Variants in KSR1 observed in about 807,000 individuals in gnomAD.
KSR1 encodes kinase suppressor of ras.
Under a neutral mutation model 92.9 loss-of-function variants are expected in KSR1, and 35 were observed. The observed-to-expected ratio is 0.38, with a 90% CI of 0.29 to 0.50. KSR1 has a LOEUF of 0.50. Among genes scored for constraint, KSR1 ranks in the 20% least tolerant of loss-of-function variants. The pLI is 0.94. For missense variants in KSR1, 972 were observed against 1,158.5 expected (o/e 0.84, Z 2.34); for synonymous variants, 467 against 472.6 (o/e 0.99, Z 0.15).
intron 17 of KSR1, 103 bp from the exon 18 acceptor site, chr17:27,611,391 G>T: frequency 6.8e-7 from 1 of 1,478,226 alleles, no homozygotes; most frequent in Non-Finnish European, 9.2e-7. Context: ...AGGAAGGCTG[G>T]AGAAGGGTCC....
At chr17:27,621,838 T>A (rs953563595) in intron 20 of KSR1, 9 of 1,303,064 alleles carry the variant, frequency 6.9e-6, no homozygotes, top group Non-Finnish European at 8.9e-6. Flanking sequence ...CCTGCCCAGC[T>A]GCTCTGGCCA....
intron 1 of KSR1, among the ~76,000 whole-genome samples, chr17:27,530,276 C>G (rs1395058559): frequency 3.3e-5 from 5 of 152,060 alleles, no homozygotes; most frequent in African/African-American, 1.2e-4. Context: ...GAAACCCTGT[C>G]TGTACAAAAA....
intron 1 of KSR1, among the ~76,000 whole-genome samples, chr17:27,468,389 C>G (rs1225732955): frequency 6.6e-6 from 1 of 152,114 alleles, no homozygotes; most frequent in Non-Finnish European, 1.5e-5. Flanking sequence ...GCACACACCA[C>G]CATGCCTGGC....
At chr17:27,549,776 T>C (rs1291967444) in intron 1 of KSR1, among the ~76,000 whole-genome samples, 1 of 152,206 alleles carries the variant, frequency 6.6e-6, no homozygotes, top group African/African-American at 2.4e-5. Context: ...CGTCATTTCT[T>C]CCGTCTCTCT....
At chr17:27,507,676 A>T (rs1342162574) in intron 1 of KSR1, among the ~76,000 whole-genome samples, 2 of 138,612 alleles carry the variant, frequency 1.4e-5, no homozygotes, top group Non-Finnish European at 3.0e-5. Flanking sequence ...TCCCGGGTTC[A>T]AGTGATTCTT....
chr17:27,529,144 G>T (rs2070435533), intron 1 of KSR1, among the ~76,000 whole-genome samples: 1 of 152,018 alleles, frequency 6.6e-6, no homozygotes, highest in South Asian at 2.1e-4. Flanking sequence ...GTTGAAAAAA[G>T]AAAATTAATG....
intron 1 of KSR1, among the ~76,000 whole-genome samples, chr17:27,479,587 A>G (rs1313714037): frequency 6.6e-6 from 1 of 152,146 alleles, no homozygotes; most frequent in African/African-American, 2.4e-5. Context: ...TTCTTTGCTC[A>G]GTTGAGACCC....
At chr17:27,515,254 G>A (rs745372531) in intron 1 of KSR1, among the ~76,000 whole-genome samples, 4 of 152,198 alleles carry the variant, frequency 2.6e-5, no homozygotes, top group Non-Finnish European at 2.9e-5. Context: ...CAGACCACGT[G>A]TATGACAGTA....
chr17:27,593,452 G>A (rs747536342), intron 9 of KSR1, among the ~76,000 whole-genome samples: 4 of 152,266 alleles, frequency 2.6e-5, no homozygotes, highest in Non-Finnish European at 5.9e-5. Flanking sequence ...CCCCCGATGA[G>A]CATGTGCCCA....
chr17:27,583,495 C>T (rs1020463694), intron 4 of KSR1, among the ~76,000 whole-genome samples: 6 of 152,252 alleles, frequency 3.9e-5, no homozygotes, highest in Non-Finnish European at 8.8e-5. Flanking sequence ...TTGCTGGCCA[C>T]GGTGGCAGAG....
In KSR1 at chr17:27,582,690, C is replaced by T. The variant is rs759278857; in HGVS notation, c.565C>T (p.Arg189Trp). ...CTCCAGTTGGAGTTCATTGGATGCGCGGCGGGAAAGTGGCTCAGGGCCTTC... is the reference window on the plus strand; with the variant it reads ...CTCCAGTTGGAGTTCATTGGATGCGTGGCGGGAAAGTGGCTCAGGGCCTTC... ...EDSSWSSLDA[R>W]RESGSGPSTD... Residue 189 changes from arginine (R) to tryptophan (W), a missense_variant, in exon 4 of 21, where the codon CGG (arginine) becomes TGG (tryptophan). Physicochemically the swap from Arg to Trp is moderately radical, Grantham distance 101. Around this residue, in one of 5 missense-constraint regions of KSR1, gnomAD observed 611 missense variants for 668.0 expected, o/e 0.91. Transcript: ENST00000644974. 1.4e-5 allele frequency: 23 copies of T among 1,613,194 alleles called. No homozygotes were observed. In the East Asian group the frequency reaches 1.8e-4, roughly 13 times the overall value.
chr17:27,461,986 G>C (rs564346618), intron 1 of KSR1, among the ~76,000 whole-genome samples: 6 of 139,848 alleles, frequency 4.3e-5, no homozygotes, highest in Non-Finnish European at 9.6e-5. Context: ...TTTTTAAAAG[G>C]CCATCCTTTC....
rs538860162 is a variant in KSR1, at chr17:27,595,901, C to T, written c.1300-1367C>T. Among the ~76,000 whole-genome samples the T allele has an allele frequency of 3.9e-5, 6 of 152,232 alleles. No homozygotes were observed. In the East Asian group the frequency reaches 1.2e-3, roughly 30 times the overall value. On this transcript the variant is annotated intron_variant, in intron 9 of 20. Coordinates refer to ENST00000644974, the MANE Select transcript of KSR1 (RefSeq NM_001394583.1). The stretch of plus-strand genomic sequence containing the variant: ...TCATGCCAGGCCCATCTCCCATGAC[C>T]GTGGGCAAAGCCCTTGGCTTCCCTG...
intron 2 of KSR1, among the ~76,000 whole-genome samples, chr17:27,572,051 C>T (rs1782370817): frequency 6.6e-6 from 1 of 152,246 alleles, no homozygotes; most frequent in South Asian, 2.1e-4. Flanking sequence ...GTTGCCCAAA[C>T]CCATCCTCAC....
At chr17:27,556,011 G>A (rs2945393) in intron 2 of KSR1, among the ~76,000 whole-genome samples, 84,002 of 151,950 alleles carry the variant, frequency 0.55, 23,584 homozygotes, top group Admixed American at 0.66. Context: ...CAGGCCAGAC[G>A]TTTGGTTCAG....
At chr17:27,520,078 T>A (rs1316742423) in intron 1 of KSR1, among the ~76,000 whole-genome samples, 1 of 152,220 alleles carries the variant, frequency 6.6e-6, no homozygotes, top group African/African-American at 2.4e-5. Flanking sequence ...TTGCACCCTT[T>A]ATACCGAATG....
intron 1 of KSR1, among the ~76,000 whole-genome samples, chr17:27,510,405 C>T (rs1231918249): frequency 2.6e-5 from 4 of 152,094 alleles, no homozygotes; most frequent in Non-Finnish European, 2.9e-5. Context: ...TTATAAGGAC[C>T]GAGTGAGTAG....
chr17:27,599,797 T>C (rs1567873669), intron 10 of KSR1, among the ~76,000 whole-genome samples: 4 of 152,202 alleles, frequency 2.6e-5, no homozygotes, highest in Non-Finnish European at 5.9e-5. Context: ...AAAACAAACA[T>C]ATTGTATAGC....
At chr17:27,476,603 G>T (rs2150933448) in intron 1 of KSR1, among the ~76,000 whole-genome samples, 1 of 152,318 alleles carries the variant, frequency 6.6e-6, no homozygotes, top group African/African-American at 2.4e-5. Flanking sequence ...TGCCCGTGAT[G>T]TGCCCTGGGA....
Sources: gnomAD v4.1 joint callset for allele counts (sites outside exome capture counted in the v4.1 genomes callset) on GRCh38, gnomAD v4.1.1 for gene constraint, gnomAD v4.1.1 regional missense constraint, MANE v1.5 for transcripts, NCBI Gene and HGNC (gene_info 2026-07-23, HGNC 2026-07-21) for gene names.